SNX1: variants seen among roughly 807,000 people sequenced by gnomAD.
The protein encoded by SNX1 is sorting nexin 1.
SNX1 carries 36 observed loss-of-function variants against 71.8 expected under a neutral mutation model. That is an observed-to-expected ratio of 0.50 (90% confidence interval 0.38 to 0.66). The LOEUF is 0.66. SNX1 is among the 30% of genes least tolerant of loss of function. SNX1 has a pLI of 0.00. For synonymous variants in SNX1, 254 were observed against 240.7 expected, an observed-to-expected ratio of 1.06 and a Z score of -0.51; for missense variants, 612 against 646.7, an observed-to-expected ratio of 0.95 and a Z score of 0.58.
At chr15:64,110,764 C>T (rs1052985444) in intron 1 of SNX1, among the ~76,000 whole-genome samples, 2 of 152,206 alleles carry the variant, frequency 1.3e-5, no homozygotes, top group African/African-American at 4.8e-5. Context: ...CTAGTTTTCA[C>T]TGCAGTATCC....
chr15:64,097,873 C>A (rs928004553), intron 1 of SNX1, among the ~76,000 whole-genome samples: 1 of 152,204 alleles, frequency 6.6e-6, no homozygotes, highest in African/African-American at 2.4e-5. Context: ...TTGAGGCTTT[C>A]CTCATTTGTG....
chr15:64,127,648 T>A lies in SNX1; in HGVS notation c.732-83T>A. 4 of 944,104 alleles carry A rather than the reference T, an allele frequency of 4.2e-6. No individual in the cohort carries two copies. The South Asian group carries it at 5.5e-5, about 13-fold the overall frequency. The allele number at this position is 944,104 out of a possible 1,614,324, so 58.5% of individuals were successfully genotyped here. A position where few individuals can be genotyped will look rare whatever the true frequency, so the allele number is the denominator to read the frequency against. ...TTAAGTACAAAAAGTACAGAAGACA[T>A]GGTATCACTGCCAGCACTGTGTGAC... is the stretch of plus-strand genomic sequence containing the variant. On this transcript the variant is annotated intron_variant, in intron 7 of 14. Transcript: ENST00000559844.
intron 1 of SNX1, among the ~76,000 whole-genome samples, chr15:64,103,831 G>C (rs371069403): frequency 2.6e-5 from 4 of 152,300 alleles, no homozygotes; most frequent in African/African-American, 7.2e-5. Flanking sequence ...ATCTTAATCA[G>C]ACTTCTGAAA....
chr15:64,103,245 T>A (rs2080983230), intron 1 of SNX1, among the ~76,000 whole-genome samples: 1 of 152,210 alleles, frequency 6.6e-6, no homozygotes, highest in South Asian at 2.1e-4. Context: ...GATGCTATGG[T>A]AGTTACATTT....
rs537090711 is a variant in SNX1 at position 64,096,302 on chromosome 15, C to T, written c.159+130C>T. On this transcript the variant is annotated intron_variant, in intron 1 of 14. Transcript: ENST00000559844. ...TGCCTCGGTGTCAGCAGTCCGGGCC[C>T]CGGGGACCCTGGATGTGCTCGAAGC... The T allele has an allele frequency of 1.9e-4, 217 of 1,131,144 alleles. No individual in the cohort carries two copies. The African/African-American group carries it at 3.2e-3, about 17-fold the overall frequency. 70.1% of individuals were successfully genotyped at this position (1,131,144 alleles called of 1,614,324 possible).
chr15:64,126,321 T>G, intron 6 of SNX1, 101 bp downstream of exon 6: 1 of 1,257,884 alleles, frequency 7.9e-7, no homozygotes, highest in Non-Finnish European at 1.1e-6. Flanking sequence ...ATTAACAGTC[T>G]TGTGGTTAGA....
intron 1 of SNX1, among the ~76,000 whole-genome samples, chr15:64,108,163 A>G (rs2081041937): frequency 6.6e-6 from 1 of 151,762 alleles, no homozygotes; most frequent in Admixed American, 6.6e-5. Context: ...ACTGCACTCC[A>G]GCCTGGGCGA....
At chr15:64,122,037 G>A (rs1025815667) in intron 4 of SNX1, among the ~76,000 whole-genome samples, 3 of 152,128 alleles carry the variant, frequency 2.0e-5, no homozygotes. Context: ...GCAGATCTGT[G>A]TGCTCTCTAT....
At chr15:64,115,845 T>C (rs2081123379) in intron 2 of SNX1, 1 of 169,912 alleles carries the variant, frequency 5.9e-6, no homozygotes, top group Admixed American at 6.2e-5. Context: ...AGATGAGTGA[T>C]ACTTCCTGTT....
At chr15:64,136,438 T>C in intron 13 of SNX1, 28 bp downstream of exon 13, 1 of 1,568,406 alleles carries the variant, frequency 6.4e-7, no homozygotes, top group Non-Finnish European at 8.8e-7. Flanking sequence ...ACTTCTCACT[T>C]AGCATGCAGT....
rs998071785 is a variant in SNX1, at chr15:64,137,931, G to A, written c.*313G>A. The stretch of plus-strand genomic sequence containing the variant: ...GTATATTTTTCAGGATGTGGTTTAG[G>A]AACTGGGAATAACGTTTTCTGTTAC... On this transcript the variant is annotated 3_prime_UTR_variant, in exon 15 of 15. Coordinates refer to ENST00000559844, the MANE Select transcript of SNX1 (RefSeq NM_003099.5). 15 of 1,416,920 alleles carry A rather than the reference G, an allele frequency of 1.1e-5. No individual in the cohort carries two copies. Among genetic ancestry groups the A allele is most frequent in the Non-Finnish European group, 1.3e-5 (14 of 1,092,810 alleles). The allele number at this position is 1,416,920 out of a possible 1,614,324, so 87.8% of individuals were successfully genotyped here. A position where few individuals can be genotyped will look rare whatever the true frequency, so the allele number is the denominator to read the frequency against.
chr15:64,135,757 CAAAAAAAAA>C (rs573541153), intron 12 of SNX1, among the ~76,000 whole-genome samples: 1 of 108,634 alleles, frequency 9.2e-6, no homozygotes, highest in Non-Finnish European at 1.7e-5. Context: ...GACTCTGTCT[CAAAAAAAAA>C]AAAAAAAAAA....
In SNX1 at chr15:64,096,094, G is replaced by T. The variant is rs1373851463; in HGVS notation, c.81G>T (p.Gly27=). Residue 27 remains glycine, a synonymous_variant, in exon 1 of 15, where the codon GGG becomes GGT. Coordinates refer to ENST00000559844, the MANE Select transcript of SNX1 (RefSeq NM_003099.5). ...CCGGCCTGGAGCCGGAGTCCGAGGG[G>T]GCGGCCGGGGGATCAGAACCCGAGG... The part of the protein sequence containing the change: ...PFPGLEPESE[G]AAGGSEPEAG... 3 of 1,567,082 alleles carry T rather than the reference G, an allele frequency of 1.9e-6. No homozygotes were observed. Among genetic ancestry groups the T allele is most frequent in the Non-Finnish European group, 2.6e-6 (3 of 1,158,580 alleles).
rs76366732 is a variant in SNX1, at chr15:64,142,337, A to C, written c.*4719A>C. 0.046 allele frequency: 9,888 copies of C among 217,026 alleles called. 292 individuals carry two copies. Among genetic ancestry groups the C allele is most frequent in the South Asian group, 0.075 (1,284 of 17,136 alleles). The allele number at this position is 217,026 out of a possible 1,614,324, so 13.4% of individuals were successfully genotyped here. ...AGCAAGATCTTGTCTCAAAAAAAAA[A>C]GCAGCTCTGGATGGGAAGGGAGGCC... is the stretch of plus-strand genomic sequence containing the variant. On this transcript the variant is annotated 3_prime_UTR_variant, in exon 15 of 15. Coordinates refer to ENST00000559844, the MANE Select transcript of SNX1 (RefSeq NM_003099.5).
intron 5 of SNX1, 111 bp downstream of exon 5, chr15:64,123,657 T>C: frequency 1.1e-6 from 1 of 870,848 alleles, no homozygotes; most frequent in Admixed American, 2.0e-5. Context: ...GCCAACATCT[T>C]CATGTTTACT....
chr15:64,101,480 G>A (rs1436869325), intron 1 of SNX1, among the ~76,000 whole-genome samples: 1 of 152,214 alleles, frequency 6.6e-6, no homozygotes. Flanking sequence ...TGCATTGAAT[G>A]TATATAGCAC....
At chr15:64,099,143 T>G (rs143368687) in intron 1 of SNX1, among the ~76,000 whole-genome samples, 1,797 of 152,284 alleles carry the variant, frequency 0.012, 18 homozygotes, top group Non-Finnish European at 0.016. Context: ...AATTAAGTAA[T>G]TAAGAGTGTG....
At chr15:64,106,851 G>C (rs557021805) in intron 1 of SNX1, among the ~76,000 whole-genome samples, 1 of 152,306 alleles carries the variant, frequency 6.6e-6, no homozygotes, top group South Asian at 2.1e-4. Context: ...CTGACACCTT[G>C]ATTTTAGCCC....
chr15:64,121,723 C>G (rs1317236634), intron 4 of SNX1, among the ~76,000 whole-genome samples: 1 of 152,192 alleles, frequency 6.6e-6, no homozygotes, highest in Non-Finnish European at 1.5e-5. Context: ...ACAAATCACT[C>G]TTGGTGATAA....
Sources: gnomAD v4.1 joint callset for allele counts (sites outside exome capture counted in the v4.1 genomes callset) on GRCh38, gnomAD v4.1.1 for gene constraint, MANE v1.5 for transcripts, NCBI Gene and HGNC (gene_info 2026-07-23, HGNC 2026-07-21) for gene names.